UCHL1: variants seen among roughly 807,000 people sequenced by gnomAD.
UCHL1 encodes the protein ubiquitin C-terminal hydrolase L1.
A neutral mutation model predicts 33.3 loss-of-function variants in UCHL1; 5 were observed. The observed-to-expected ratio is 0.15, with a 90% CI of 0.08 to 0.32. The LOEUF is 0.32. Among genes scored for constraint, UCHL1 ranks in the 10% least tolerant of loss-of-function variants. The pLI is 1.00. For missense variants in UCHL1, 236 were observed against 280.0 expected (o/e 0.84, Z 1.12); for synonymous variants, 132 against 108.8 (o/e 1.21, Z -1.33).
intron 3 of UCHL1, among the ~76,000 whole-genome samples, chr4:41,260,045 T>C (rs1781045992): frequency 6.6e-6 from 1 of 152,238 alleles, no homozygotes; most frequent in African/African-American, 2.4e-5. Flanking sequence ...CATCTTCCTC[T>C]TGTAAAATCA....
intron 4 of UCHL1, among the ~76,000 whole-genome samples, 168 bp downstream of exon 4, chr4:41,260,965 G>A (rs1008564404): frequency 2.0e-5 from 3 of 152,134 alleles, no homozygotes; most frequent in Admixed American, 1.3e-4. Context: ...AGGATTCCTA[G>A]CACTTCCAAA....
Position 41,257,657 on chromosome 4 carries a change from C to T in UCHL1, c.94C>T (p.Leu32=), listed in dbSNP as rs754490470. Residue 32 remains leucine, a synonymous_variant, in exon 3 of 9, where the codon CTG becomes TTG. Coordinates refer to ENST00000284440, the MANE Select transcript of UCHL1 (RefSeq NM_004181.5). ...CGGCCAGTGGCGCTTCGTGGACGTGCTGGGGCTGGAAGAGGAGTCTCTGGG... is the reference window on the plus strand; with the variant it reads ...CGGCCAGTGGCGCTTCGTGGACGTGTTGGGGCTGGAAGAGGAGTCTCTGGG... The part of the protein sequence containing the change: ...VAGQWRFVDV[L]GLEEESLGSV... The T allele has an allele frequency of 1.3e-6, 2 of 1,570,150 alleles. No homozygotes were observed. Among genetic ancestry groups the T allele is most frequent in the Non-Finnish European group, 8.6e-7 (1 of 1,161,730 alleles).
At position 41,260,640 on chromosome 4, in the gene UCHL1, T is replaced by C. The variant is rs759432898; in HGVS notation, c.175-7T>C. 1.2e-6 allele frequency: 2 copies of C among 1,614,214 alleles called. No individual in the cohort carries two copies. Among genetic ancestry groups the C allele is most frequent in the Middle Eastern group, 1.6e-4 (1 of 6,062 alleles). On this transcript the variant is annotated splice_region_variant and splice_polypyrimidine_tract_variant and intron_variant, in intron 3 of 8. Transcript: ENST00000284440. ...CTGAGATGTAAAAACGCTTTTTACATTCGCAGCATGAGAACTTCAGGAAAA... is the reference window on the plus strand; with the variant it reads ...CTGAGATGTAAAAACGCTTTTTACACTCGCAGCATGAGAACTTCAGGAAAA...
rs573960599 is a variant in UCHL1, at chr4:41,262,959, C to T, written c.460-266C>T. 1.5e-4 allele frequency among the ~76,000 whole-genome samples: 22 copies of T among 151,348 alleles called. No homozygotes were observed. The South Asian group carries it at 4.2e-3, about 29-fold the overall frequency. On this transcript the variant is annotated intron_variant, in intron 6 of 8. Coordinates refer to ENST00000284440, the MANE Select transcript of UCHL1 (RefSeq NM_004181.5). ...CTGGCTGCCACTTTCTAGCATTGAC[C>T]TTGGTTGAGATAGTTAGCCTCTCTA...
chr4:41,267,384 G>A (rs572578625), intron 8 of UCHL1, among the ~76,000 whole-genome samples: 34 of 152,216 alleles, frequency 2.2e-4, no homozygotes, highest in African/African-American at 7.5e-4. Flanking sequence ...AGCTGTGACT[G>A]CAGATGCCCG....
rs1265572900 is a variant in UCHL1, at chr4:41,257,875, A to G, written c.174+138A>G. 3.8e-6 allele frequency: 5 copies of G among 1,325,680 alleles called. No individual in the cohort carries two copies. The South Asian group carries it at 4.6e-5, about 12-fold the overall frequency. 82.1% of individuals were successfully genotyped at this position (1,325,680 alleles called of 1,614,324 possible). On this transcript the variant is annotated intron_variant, in intron 3 of 8. Transcript: ENST00000284440. Reference sequence around the variant, plus strand: ...GCCTACAAGGAAGGGAGGAGCCTGCATTTTCGTGGTACCTACTCCCTGGGC... The same window carrying G: ...GCCTACAAGGAAGGGAGGAGCCTGCGTTTTCGTGGTACCTACTCCCTGGGC...
chr4:41,262,471 CCT>C (rs1029197450), intron 6 of UCHL1, among the ~76,000 whole-genome samples: 3 of 152,104 alleles, frequency 2.0e-5, no homozygotes, highest in Non-Finnish European at 4.4e-5. Flanking sequence ...AGAGTGTACA[CCT>C]CTCCTAGTAA....
intron 6 of UCHL1, 135 bp downstream of exon 6, chr4:41,262,058 C>G: frequency 2.4e-6 from 3 of 1,270,268 alleles, no homozygotes; most frequent in Non-Finnish European, 3.3e-6. Context: ...AAGTTCTACC[C>G]AAATAATGCT....
intron 4 of UCHL1, among the ~76,000 whole-genome samples, chr4:41,261,506 G>A (rs915374686): frequency 2.6e-5 from 4 of 152,164 alleles, no homozygotes; most frequent in Non-Finnish European, 4.4e-5. Context: ...CATATTGGGA[G>A]AGCGGAGAGA....
At chr4:41,261,952 C>T (rs751971352) in intron 6 of UCHL1, 29 bp downstream of exon 6, 6 of 1,612,310 alleles carry the variant, frequency 3.7e-6, no homozygotes, top group Non-Finnish European at 5.1e-6. Flanking sequence ...CGGAGCCAGG[C>T]TGCCTGGGTG....
intron 2 of UCHL1, 67 bp downstream of exon 2, chr4:41,257,193 G>C: frequency 5.0e-6 from 8 of 1,609,824 alleles, no homozygotes; most frequent in Non-Finnish European, 2.5e-6. Context: ...GCGCCCACCG[G>C]TTCCGGCTGC....
In UCHL1 at chr4:41,260,521, A is replaced by G. The variant is rs559432415; in HGVS notation, c.175-126A>G. ...GGCCCTTCTCTGGGAGTCAGCCAAC[A>G]TCTAGAACCAGGGGTTCTGGTCACA... On this transcript the variant is annotated intron_variant, in intron 3 of 8. Transcript: ENST00000284440. 4 of 1,211,350 alleles carry G rather than the reference A, an allele frequency of 3.3e-6. No individual in the cohort carries two copies. The East Asian group carries it at 7.7e-5, about 23-fold the overall frequency. The allele number at this position is 1,211,350 out of a possible 1,614,324, so 75.0% of individuals were successfully genotyped here.
At chr4:41,263,941 A>G (rs763784641) in intron 7 of UCHL1, among the ~76,000 whole-genome samples, 162 bp from the exon 8 acceptor site, 18 of 152,176 alleles carry the variant, frequency 1.2e-4, no homozygotes, top group African/African-American at 4.3e-4. Flanking sequence ...ATGCCTAGGG[A>G]CACTTGAACC....
intron 2 of UCHL1, 45 bp downstream of exon 2, chr4:41,257,171 G>T (rs1446728881): frequency 6.2e-7 from 1 of 1,611,116 alleles, no homozygotes; most frequent in South Asian, 1.1e-5. Flanking sequence ...CCCCGCGAGC[G>T]CCGAGGCGGG....
chr4:41,263,362 T>C (rs935291745), intron 7 of UCHL1, 71 bp downstream of exon 7: 43 of 1,431,464 alleles, frequency 3.0e-5, no homozygotes, highest in Middle Eastern at 1.7e-4. Flanking sequence ...TCTCTTGATA[T>C]ATTGTGTGAC....
intron 3 of UCHL1, among the ~76,000 whole-genome samples, chr4:41,259,900 A>G (rs1176494185): frequency 6.6e-6 from 1 of 152,202 alleles, no homozygotes; most frequent in East Asian, 1.9e-4. Flanking sequence ...CTAAATTACT[A>G]TACAGAAAGC....
intron 8 of UCHL1, among the ~76,000 whole-genome samples, chr4:41,266,779 C>T (rs1781161564): frequency 6.6e-6 from 1 of 152,006 alleles, no homozygotes. Context: ...ACCACCATGC[C>T]CAGCTAATTT....
intron 8 of UCHL1, among the ~76,000 whole-genome samples, chr4:41,266,882 A>G (rs1163223732): frequency 6.6e-6 from 1 of 152,176 alleles, no homozygotes; most frequent in East Asian, 1.9e-4. Flanking sequence ...CTGAGATTGC[A>G]GGCCTGAGCT....
rs1580926535 is a variant in UCHL1, at chr4:41,263,374, T to G, written c.526+83T>G. 8.5e-6 allele frequency: 11 copies of G among 1,290,486 alleles called. No individual in the cohort carries two copies. In the East Asian group the frequency reaches 2.5e-4, roughly 30 times the overall value. 79.9% of individuals were successfully genotyped at this position (1,290,486 alleles called of 1,614,324 possible). Reference sequence around the variant, plus strand: ...ATTTCTCTTGATATATTGTGTGACTTTATGGCACTTGGCATATCATTGTTT... The same window carrying G: ...ATTTCTCTTGATATATTGTGTGACTGTATGGCACTTGGCATATCATTGTTT... On this transcript the variant is annotated intron_variant, in intron 7 of 8. Coordinates refer to ENST00000284440, the MANE Select transcript of UCHL1 (RefSeq NM_004181.5).
Sources: gnomAD v4.1 joint callset for allele counts (sites outside exome capture counted in the v4.1 genomes callset) on GRCh38, gnomAD v4.1.1 for gene constraint, MANE v1.5 for transcripts, NCBI Gene and HGNC (gene_info 2026-07-23, HGNC 2026-07-21) for gene names.